Variants in KIAA1549 observed in about 807,000 individuals in gnomAD.
The protein encoded by KIAA1549 is UPF0606 protein KIAA1549.
A neutral mutation model predicts 156.4 loss-of-function variants in KIAA1549; 70 were observed. The observed-to-expected ratio is 0.45, with a 90% CI of 0.37 to 0.55. The LOEUF (loss-of-function observed/expected upper bound fraction) is 0.55, where lower values mean the gene tolerates loss of function less well. KIAA1549 is among the 20% of genes least tolerant of loss of function. The probability of loss-of-function intolerance (pLI) is 0.00; values close to 1 mark genes in which losing one functional copy is unlikely to be tolerated. For synonymous variants in KIAA1549, 1,103 were observed against 1,066.4 expected, an observed-to-expected ratio of 1.03 and a Z score of -0.67; for missense variants, 2,428 against 2,540.9, an observed-to-expected ratio of 0.96 and a Z score of 0.96.
chr7:138,926,767 T>C (rs1242820651), intron 1 of KIAA1549, among the ~76,000 whole-genome samples: 1 of 152,150 alleles, frequency 6.6e-6, no homozygotes, highest in African/African-American at 2.4e-5. Context: ...CCTCTCCAAC[T>C]GGTACTGGTT....
chr7:138,890,599 C>T (rs187208126), intron 10 of KIAA1549, among the ~76,000 whole-genome samples: 3 of 152,364 alleles, frequency 2.0e-5, no homozygotes, highest in Admixed American at 6.5e-5. Flanking sequence ...AGGTGACACC[C>T]GGCACGGTCA....
Position 138,844,481 on chromosome 7 carries a change from G to A in KIAA1549, c.5295-7C>T, listed in dbSNP as rs1220360258. On this transcript the variant is annotated splice_polypyrimidine_tract_variant and splice_region_variant and intron_variant, in intron 17 of 19. Coordinates refer to ENST00000422774, the MANE Select transcript of KIAA1549 (RefSeq NM_001164665.2). ...ACCGGGGCCAAAACCTGGTCTGAAG[G>A]CAAAGCAAACCAGCACATCAGGACT... 5 of 1,523,038 alleles carry A rather than the reference G, an allele frequency of 3.3e-6. No individual in the cohort carries two copies. Among genetic ancestry groups the A allele is most frequent in the Admixed American group, 2.2e-5 (1 of 45,240 alleles). The allele number at this position is 1,523,038 out of a possible 1,614,324, so 94.3% of individuals were successfully genotyped here. A position where few individuals can be genotyped will look rare whatever the true frequency, so the allele number is the denominator to read the frequency against.
At chr7:138,957,892 C>T (rs1199752846) in intron 1 of KIAA1549, among the ~76,000 whole-genome samples, 1 of 152,216 alleles carries the variant, frequency 6.6e-6, no homozygotes, top group Non-Finnish European at 1.5e-5. Context: ...ACTCAGCCTT[C>T]CTTCCTCTCC....
At chr7:138,907,766 C>G (rs1316354850) in intron 5 of KIAA1549, among the ~76,000 whole-genome samples, 1 of 152,172 alleles carries the variant, frequency 6.6e-6, no homozygotes, top group Non-Finnish European at 1.5e-5. Context: ...AAAACAAACT[C>G]CTGCCTAAGA....
At chr7:138,954,697 G>A (rs568245545) in intron 1 of KIAA1549, among the ~76,000 whole-genome samples, 27 of 152,202 alleles carry the variant, frequency 1.8e-4, no homozygotes, top group African/African-American at 5.8e-4. Context: ...CCAGGCTCAC[G>A]GAAGCCTCTG....
chr7:138,849,931 A>G (rs1427286018), intron 17 of KIAA1549, among the ~76,000 whole-genome samples: 4 of 152,046 alleles, frequency 2.6e-5, no homozygotes, highest in Non-Finnish European at 5.9e-5. Context: ...TCCATTGTGT[A>G]TGCGTACCAC....
At chr7:138,934,630 G>C (rs547504864) in intron 1 of KIAA1549, among the ~76,000 whole-genome samples, 1 of 152,276 alleles carries the variant, frequency 6.6e-6, no homozygotes, top group Non-Finnish European at 1.5e-5. Context: ...ACCTGGAGGA[G>C]CCATTTCACA....
chr7:138,968,531 C>T (rs1435622835), intron 1 of KIAA1549, among the ~76,000 whole-genome samples: 1 of 152,042 alleles, frequency 6.6e-6, no homozygotes, highest in Non-Finnish European at 1.5e-5. Context: ...TCTAGTACAT[C>T]CCAAGTATAA....
intron 8 of KIAA1549, 101 bp downstream of exon 8, chr7:138,903,487 A>C: frequency 8.1e-7 from 1 of 1,230,544 alleles, no homozygotes; most frequent in Non-Finnish European, 1.1e-6. Flanking sequence ...GGCACTTCTC[A>C]TTTGCATAAA....
intron 1 of KIAA1549, among the ~76,000 whole-genome samples, chr7:138,928,333 C>A (rs916945583): frequency 2.0e-5 from 3 of 151,932 alleles, no homozygotes; most frequent in Non-Finnish European, 1.5e-5. Context: ...GTTGCCCAGG[C>A]TGGAGTGCAG....
At chr7:138,898,665 A>T (rs1286656078) in intron 9 of KIAA1549, among the ~76,000 whole-genome samples, 1 of 152,258 alleles carries the variant, frequency 6.6e-6, no homozygotes, top group African/African-American at 2.4e-5. Context: ...TTATAAAAAA[A>T]GTAGTAGTAC....
intron 3 of KIAA1549, among the ~76,000 whole-genome samples, chr7:138,911,889 G>C (rs1022006846): frequency 8.5e-5 from 13 of 152,310 alleles, no homozygotes; most frequent in Non-Finnish European, 1.6e-4. Flanking sequence ...CCATGCGTGG[G>C]GCGCGGTTCT....
chr7:138,910,891 G>A (rs1395819485), intron 4 of KIAA1549, among the ~76,000 whole-genome samples: 3 of 151,602 alleles, frequency 2.0e-5, no homozygotes, highest in South Asian at 2.1e-4. Context: ...AATTAGCCAC[G>A]CATGGTGGTA....
rs533145548 is a variant in KIAA1549 at position 138,836,893 on chromosome 7, C to T, written c.*1013G>A. The T allele has an allele frequency of 2.7e-5, 6 of 225,858 alleles. No homozygotes were observed. Among genetic ancestry groups the T allele is most frequent in the South Asian group, 3.7e-4 (2 of 5,454 alleles). 14.0% of individuals were successfully genotyped at this position (225,858 alleles called of 1,614,324 possible). Reference sequence around the variant, plus strand: ...GGTAGGGATGTATGTATAACAATTTCGTGGTGCTGGGAATTATTAAATAAC... The same window carrying T: ...GGTAGGGATGTATGTATAACAATTTTGTGGTGCTGGGAATTATTAAATAAC... On this transcript the variant is annotated 3_prime_UTR_variant, in exon 20 of 20. Coordinates refer to ENST00000422774, the MANE Select transcript of KIAA1549 (RefSeq NM_001164665.2).
At position 138,968,120 on chromosome 7, in the gene KIAA1549, T is replaced by C. The variant is rs550974224; in HGVS notation, c.187+12963A>G. 4.5e-4 allele frequency among the ~76,000 whole-genome samples: 68 copies of C among 152,152 alleles called. No homozygotes were observed. In the South Asian group the frequency reaches 7.9e-3, roughly 18 times the overall value. On this transcript the variant is annotated intron_variant, in intron 1 of 19. Coordinates refer to ENST00000422774, the MANE Select transcript of KIAA1549 (RefSeq NM_001164665.2). The stretch of plus-strand genomic sequence containing the variant: ...ACCAAACACTGCATGTTCTCACTTA[T>C]AAGTGGGAGCTAAACAATGAGATCA...
At chr7:138,935,265 T>C (rs1812977017) in intron 1 of KIAA1549, among the ~76,000 whole-genome samples, 1 of 152,224 alleles carries the variant, frequency 6.6e-6, no homozygotes, top group Admixed American at 6.5e-5. Flanking sequence ...TTTCTGTGCA[T>C]GACTTTCTCA....
chr7:138,906,361 C>T (rs1333833530), intron 6 of KIAA1549, among the ~76,000 whole-genome samples: 1 of 152,194 alleles, frequency 6.6e-6, no homozygotes, highest in Non-Finnish European at 1.5e-5. Context: ...GATGCAGGAT[C>T]AACCAATGCA....
intron 1 of KIAA1549, among the ~76,000 whole-genome samples, chr7:138,972,022 G>A (rs1046850286): frequency 3.3e-5 from 5 of 152,124 alleles, no homozygotes; most frequent in Non-Finnish European, 5.9e-5. Context: ...AGTAGAGGTC[G>A]TGACAGTCAC....
chr7:138,855,984 CA>C (rs1810376389), intron 16 of KIAA1549, among the ~76,000 whole-genome samples: 1 of 151,886 alleles, frequency 6.6e-6, no homozygotes, highest in Non-Finnish European at 1.5e-5. Flanking sequence ...TCCTCCTTCC[CA>C]TTAAATTAGA....
Sources: allele counts gnomAD v4.1 joint callset (sites outside exome capture counted in the v4.1 genomes callset), GRCh38; gene constraint gnomAD v4.1.1; transcripts MANE v1.5; gene names NCBI Gene and HGNC (gene_info 2026-07-23, HGNC 2026-07-21).